CDK6: variants seen among roughly 807,000 people sequenced by gnomAD.
CDK6 encodes the protein cyclin-dependent kinase 6.
CDK6 carries 6 observed loss-of-function variants against 37.1 expected under a neutral mutation model. That is an observed-to-expected ratio of 0.16 (90% CI 0.09 to 0.32). The LOEUF is 0.32. Among genes scored for constraint, CDK6 ranks in the 10% least tolerant of loss-of-function variants. CDK6 has a pLI of 1.00. For synonymous variants in CDK6, 160 were observed against 161.3 expected (o/e 0.99, Z 0.06); for missense variants, 224 against 418.9 (o/e 0.53, Z 4.06).
In CDK6 at chr7:92,835,817, G is replaced by C. The variant is rs1010531321; in HGVS notation, c.-368+661C>G. Among the ~76,000 whole-genome samples the C allele has an allele frequency of 2.0e-5, 3 of 152,242 alleles. No homozygotes were observed. Among genetic ancestry groups the C allele is most frequent in the Non-Finnish European group, 2.9e-5 (2 of 68,042 alleles). On this transcript the variant is annotated intron_variant, in intron 1 of 7. Coordinates refer to ENST00000424848, the MANE Select transcript of CDK6 (RefSeq NM_001145306.2). This position sits in a 1 kb window ranked among gnomAD's most constrained non-coding sequence, Gnocchi z 4.2. ...GGACCAGGGCTGCTCACTGCGGGGCGTGTGTTTAACTCCAATATTTTAAAT... is the reference window on the plus strand; with the variant it reads ...GGACCAGGGCTGCTCACTGCGGGGCCTGTGTTTAACTCCAATATTTTAAAT...
chr7:92,708,149 C>T (rs151077622), intron 4 of CDK6, among the ~76,000 whole-genome samples: 1 of 152,158 alleles, frequency 6.6e-6, no homozygotes, highest in East Asian at 1.9e-4. Context: ...TTCTTTGAAA[C>T]CCCAGTTTGA....
rs60568610 is a variant in CDK6, at chr7:92,673,278, A to C, written c.538-1743T>G. On this transcript the variant is annotated intron_variant, in intron 4 of 7. Transcript: ENST00000424848. ...GTCAACTGACAAGATTATGAGTGATAATAAAATGACCGTTTTAAGTCTTTA... is the reference window on the plus strand; with the variant it reads ...GTCAACTGACAAGATTATGAGTGATCATAAAATGACCGTTTTAAGTCTTTA... Among the ~76,000 whole-genome samples, 636 of 152,352 alleles carry C rather than the reference A, an allele frequency of 4.2e-3. 5 individuals carry two copies. The highest frequency in any genetic ancestry group is 0.014 in the African/African-American group (599 of 41,582).
intron 4 of CDK6, among the ~76,000 whole-genome samples, chr7:92,672,198 C>CACAA (rs1554401719): frequency 8.5e-6 from 1 of 118,306 alleles, no homozygotes; most frequent in Non-Finnish European, 1.7e-5. Context: ...CATACACACA[C>CACAA]ACACACACAC....
chr7:92,607,689 G>T lies in CDK6; in HGVS notation c.*7451C>A, dbSNP rs1795459496. On this transcript the variant is annotated 3_prime_UTR_variant, in exon 8 of 8. Coordinates refer to ENST00000424848, the MANE Select transcript of CDK6 (RefSeq NM_001145306.2). ...TAAATAACATACATGAATAATAATA[G>T]AAATAATTTATGCAAATGTAGAACA... 4.3e-6 allele frequency: 1 copy of T among 231,678 alleles called. No individual in the cohort carries two copies. The highest frequency in any genetic ancestry group is 8.5e-6 in the Non-Finnish European group (1 of 117,238). 14.4% of individuals were successfully genotyped at this position (231,678 alleles called of 1,614,324 possible). A position where few individuals can be genotyped will look rare whatever the true frequency, so the allele number is the denominator to read the frequency against.
At chr7:92,752,833 T>C (rs1415644975) in intron 3 of CDK6, among the ~76,000 whole-genome samples, 1 of 152,174 alleles carries the variant, frequency 6.6e-6, no homozygotes, top group Admixed American at 6.5e-5. Flanking sequence ...ACTAAATTGG[T>C]ATTTTCTCTG....
chr7:92,647,716 T>C (rs2282982), intron 5 of CDK6, among the ~76,000 whole-genome samples: 65,686 of 152,078 alleles, frequency 0.43, 14,754 homozygotes, highest in African/African-American at 0.57. Context: ...AATGCACCAA[T>C]ATATTTTCAT....
chr7:92,631,372 T>C (rs576721539), intron 5 of CDK6, among the ~76,000 whole-genome samples: 1 of 152,256 alleles, frequency 6.6e-6, no homozygotes, highest in Admixed American at 6.5e-5. Flanking sequence ...AGTTCTTTGT[T>C]ATTTCAGTGG....
intron 3 of CDK6, among the ~76,000 whole-genome samples, chr7:92,755,896 A>G (rs1443775380): frequency 6.6e-6 from 1 of 152,100 alleles, no homozygotes; most frequent in Non-Finnish European, 1.5e-5. Flanking sequence ...AATTCTATGC[A>G]TGGGTATCTC....
intron 4 of CDK6, among the ~76,000 whole-genome samples, chr7:92,672,160 T>TATACAC (rs1210519115): frequency 4.3e-4 from 34 of 79,070 alleles, no homozygotes; most frequent in East Asian, 7.8e-4. Context: ...TATATATATA[T>TATACAC]ACACATACAC....
intron 4 of CDK6, among the ~76,000 whole-genome samples, chr7:92,718,974 G>A (rs1321726225): frequency 3.3e-5 from 5 of 152,274 alleles, no homozygotes; most frequent in Non-Finnish European, 7.4e-5. Context: ...TTTGTTGACT[G>A]AAAGCCACAA....
At chr7:92,643,053 CCTGA>C (rs1796350607) in intron 5 of CDK6, among the ~76,000 whole-genome samples, 1 of 152,140 alleles carries the variant, frequency 6.6e-6, no homozygotes, top group African/African-American at 2.4e-5. Flanking sequence ...TACCACCACA[CCTGA>C]CTAATTTTTT....
chr7:92,710,639 A>G, intron 4 of CDK6: 1 of 922,572 alleles, frequency 1.1e-6, no homozygotes, highest in Non-Finnish European at 1.3e-6. Flanking sequence ...AAAAATCTGA[A>G]GATTCTAGCT....
chr7:92,787,147 A>G (rs1800163205), intron 2 of CDK6, among the ~76,000 whole-genome samples: 2 of 144,966 alleles, frequency 1.4e-5, no homozygotes, highest in Non-Finnish European at 3.0e-5. Context: ...GTGCCACCAC[A>G]CTCCAACCTG....
Position 92,714,643 on chromosome 7 carries a change from C to A in CDK6, c.537+10983G>T, listed in dbSNP as rs1267453955. 3.3e-5 allele frequency among the ~76,000 whole-genome samples: 5 copies of A among 152,260 alleles called. 1 individual carries two copies. In the East Asian group the frequency reaches 7.7e-4, roughly 23 times the overall value. ...ATCTCCTTTTCTGACTAACTGTAGT[C>A]TTGATCTTTCATCCATTCTGCAAAA... On this transcript the variant is annotated intron_variant, in intron 4 of 7. Transcript: ENST00000424848.
chr7:92,656,505 A>C (rs533695258), intron 5 of CDK6, among the ~76,000 whole-genome samples: 7 of 152,356 alleles, frequency 4.6e-5, no homozygotes, highest in Admixed American at 3.9e-4. Flanking sequence ...TTATGTAGGC[A>C]TACAATAAAA....
In CDK6 at chr7:92,614,229, A is replaced by G. The variant is rs1377203048; in HGVS notation, c.*911T>C. On this transcript the variant is annotated 3_prime_UTR_variant, in exon 8 of 8. Transcript: ENST00000424848. ...CAACAACAAAAAAAGGGAAGAAAGG[A>G]ATTTCAAACCAGGAAATAAAGGCTT... is the stretch of plus-strand genomic sequence containing the variant. 1 of 233,018 alleles carries G rather than the reference A, an allele frequency of 4.3e-6. No individual in the cohort carries two copies. The highest frequency in any genetic ancestry group is 8.5e-6 in the Non-Finnish European group (1 of 117,976). 14.4% of individuals were successfully genotyped at this position (233,018 alleles called of 1,614,324 possible). A position where few individuals can be genotyped will look rare whatever the true frequency, so the allele number is the denominator to read the frequency against.
chr7:92,798,347 T>G (rs1167241588), intron 2 of CDK6, among the ~76,000 whole-genome samples: 2 of 152,232 alleles, frequency 1.3e-5, no homozygotes, highest in Non-Finnish European at 2.9e-5. Flanking sequence ...ATTCATAGCT[T>G]GATGATCTAA....
intron 5 of CDK6, among the ~76,000 whole-genome samples, chr7:92,654,802 C>T (rs1473115096): frequency 6.6e-6 from 1 of 152,048 alleles, no homozygotes; most frequent in Non-Finnish European, 1.5e-5. Context: ...AAAGATCTAC[C>T]TATTTCCAGG....
At chr7:92,633,939 C>T (rs1177239461) in intron 5 of CDK6, among the ~76,000 whole-genome samples, 2 of 152,090 alleles carry the variant, frequency 1.3e-5, no homozygotes, top group Admixed American at 6.6e-5. Flanking sequence ...CTCTTTTATT[C>T]ATTAAGGATA....
Sources: allele counts gnomAD v4.1 joint callset (sites outside exome capture counted in the v4.1 genomes callset), GRCh38; gene constraint gnomAD v4.1.1; non-coding constraint Gnocchi (gnomAD v3.1); transcripts MANE v1.5; gene names NCBI Gene and HGNC (gene_info 2026-07-23, HGNC 2026-07-21).